Variants in LAMA5 observed in about 807,000 individuals in gnomAD.
The protein encoded by LAMA5 is laminin subunit alpha 5.
A neutral mutation model predicts 433.4 loss-of-function variants in LAMA5; 260 were observed. That is an observed-to-expected ratio of 0.60 (90% CI 0.54 to 0.66). The LOEUF (loss-of-function observed/expected upper bound fraction) is 0.66, where lower values mean the gene tolerates loss of function less well. LAMA5 is among the 30% of genes least tolerant of loss of function. The pLI is 0.00. For missense variants in LAMA5, 5,378 were observed against 5,258.5 expected (o/e 1.02, Z -0.70); for synonymous variants, 2,620 against 2,226.6 (o/e 1.18, Z -4.97).
rs1304782634 is a variant in LAMA5 at position 62,313,212 on chromosome 20, G to C, written c.8831C>G (p.Ser2944Cys). ...STGDPWLTDG[S>C]YLDGTGFARI... ...GGCGAAGCCGGTGCCGTCCAGGTAG[G>C]AGCCGTCCGTGAGCCACGGGTCCCC... Residue 2944 changes from serine (S) to cysteine (C), a missense_variant, in exon 65 of 80, where the codon TCC (serine) becomes TGC (cysteine). Ser to Cys is a moderately radical substitution (Grantham distance 112). Coordinates refer to ENST00000252999, the MANE Select transcript of LAMA5 (RefSeq NM_005560.6). 6.4e-7 allele frequency: 1 copy of C among 1,553,764 alleles called. No homozygotes were observed.
chr20:62,327,618 G>A lies in LAMA5; in HGVS notation c.4849C>T (p.Leu1617=), dbSNP rs1323801157. The change falls in exon 37 of 80, where the codon CTG becomes TTG. Residue 1617 remains leucine (L), a synonymous_variant. Transcript: ENST00000252999. The stretch of plus-strand genomic sequence containing the variant: ...CAACCTTTGGGGTTGGCAGCATCCA[G>A]TGAGAAGGTCCCAAGGCTGCACTGG... ...CDQCSLGTFS[L]DAANPKGCTR... 3 of 1,613,174 alleles carry A rather than the reference G, an allele frequency of 1.9e-6. No homozygotes were observed. The highest frequency in any genetic ancestry group is 8.5e-7 in the Non-Finnish European group (1 of 1,180,016).
intron 25 of LAMA5, 63 bp downstream of exon 25, chr20:62,333,312 A>C (rs1980851991): frequency 6.3e-7 from 1 of 1,599,048 alleles, no homozygotes; most frequent in East Asian, 2.2e-5. Flanking sequence ...GAGTGGGGGA[A>C]GCCAGGCACA....
chr20:62,327,427 C>A, intron 37 of LAMA5, 21 bp from the exon 38 acceptor site: 1 of 1,589,830 alleles, frequency 6.3e-7, no homozygotes, highest in Non-Finnish European at 8.6e-7. Context: ...ACACGTGTGG[C>A]TGCACACGGG....
Position 62,309,188 on chromosome 20 carries a change from G to T in LAMA5, c.*148C>A. On this transcript the variant is annotated 3_prime_UTR_variant, in exon 80 of 80. Transcript: ENST00000252999. ...ACATTTTGCAGTATTTTATTCTTTC[G>T]TTTAAGAAGCTATAACTTAAACCAT... is the stretch of plus-strand genomic sequence containing the variant. 1 of 800,456 alleles carries T rather than the reference G, an allele frequency of 1.2e-6. No individual in the cohort carries two copies. The highest frequency in any genetic ancestry group is 1.9e-6 in the Non-Finnish European group (1 of 539,724). The allele number at this position is 800,456 out of a possible 1,614,324, so 49.6% of individuals were successfully genotyped here. A position where few individuals can be genotyped will look rare whatever the true frequency, so the allele number is the denominator to read the frequency against.
intron 50 of LAMA5, among the ~76,000 whole-genome samples, 178 bp from the exon 51 acceptor site, chr20:62,319,973 T>C (rs1304332323): frequency 6.6e-6 from 1 of 152,184 alleles, no homozygotes; most frequent in Non-Finnish European, 1.5e-5. Context: ...AAATTATTGG[T>C]TATAACTTGC....
At position 62,316,875 on chromosome 20, in the gene LAMA5, G is replaced by A. The variant is rs1287131876; in HGVS notation, c.7653+7C>T. On this transcript the variant is annotated splice_region_variant and intron_variant, in intron 56 of 79. Transcript: ENST00000252999. ...TGCTGGGGCTGAGGGGAAGTGAGGG[G>A]CCTCACCGCCCACGTGTGGTCCGCC... 4 of 1,529,638 alleles carry A rather than the reference G, an allele frequency of 2.6e-6. No individual in the cohort carries two copies. The highest frequency in any genetic ancestry group is 3.5e-6 in the Non-Finnish European group (4 of 1,137,650). 94.8% of individuals were successfully genotyped at this position (1,529,638 alleles called of 1,614,324 possible).
At chr20:62,325,204 G>A (rs1979063518) in intron 41 of LAMA5, 112 bp downstream of exon 41, 9 of 698,708 alleles carry the variant, frequency 1.3e-5, no homozygotes, top group Admixed American at 9.5e-5. Context: ...GAAGAGAGGT[G>A]AGTAGGGTGA....
intron 2 of LAMA5, 129 bp from the exon 3 acceptor site, chr20:62,353,380 C>A (rs1391246092): frequency 1.5e-6 from 1 of 665,986 alleles, no homozygotes; most frequent in Non-Finnish European, 2.5e-6. Context: ...GCACAGGGGG[C>A]ACCTCTGGGT....
chr20:62,333,614 G>T lies in LAMA5; in HGVS notation c.2971C>A (p.Leu991Met). The T allele has an allele frequency of 6.3e-7, 1 of 1,577,692 alleles. No individual in the cohort carries two copies. The highest frequency in any genetic ancestry group is 2.3e-5 in the East Asian group (1 of 43,438). Reference protein sequence around the residue: ...PQRGFGEPFVLNPGTWALRVE... With the variant: ...PQRGFGEPFVMNPGTWALRVE... ...CGCAGGGCCCAGGTGCCAGGGTTCA[G>T]CACAAAGGGCTCTCCGAAGCCCCTC... The change falls in exon 24 of 80, where the codon CTG (leucine) becomes ATG (methionine). Residue 991 changes from leucine (L) to methionine (M), a missense_variant. Coordinates refer to ENST00000252999, the MANE Select transcript of LAMA5 (RefSeq NM_005560.6).
At chr20:62,331,199 T>TGGCGGGGTGCAGGTGGTACGATG (rs1980341617) in intron 28 of LAMA5, 70 bp from the exon 29 acceptor site, 1 of 215,196 alleles carries the variant, frequency 4.6e-6, no homozygotes, top group South Asian at 6.1e-5. Context: ...GGCGGTACGA[T>TGGCGGGGTGCAGGTGGTACGATG]GGGGGGGTGC....
Position 62,316,756 on chromosome 20 carries a change from G to T in LAMA5, c.7671C>A (p.Gly2557=). ...GGAGCTGCTGGGCTCGGTCCACCAG[G>T]CCCTGCCGCACCACCGTCTGTGGAT... The part of the protein sequence containing the change: ...DHTWATVVRQ[G]LVDRAQQLLA... Residue 2557 remains glycine (G), a synonymous_variant, in exon 57 of 80, where the codon GGC becomes GGA. Coordinates refer to ENST00000252999, the MANE Select transcript of LAMA5 (RefSeq NM_005560.6). 6.2e-7 allele frequency: 1 copy of T among 1,606,864 alleles called. No individual in the cohort carries two copies. The highest frequency in any genetic ancestry group is 1.1e-5 in the South Asian group (1 of 90,636).
Position 62,367,197 on chromosome 20 carries a change from G to C in LAMA5, c.49C>G (p.Arg17Gly), listed in dbSNP as rs1248019011. 1.6e-6 allele frequency: 2 copies of C among 1,219,836 alleles called. No homozygotes were observed. The highest frequency in any genetic ancestry group is 1.6e-5 in the African/African-American group (1 of 62,662). 75.6% of individuals were successfully genotyped at this position (1,219,836 alleles called of 1,614,324 possible). A position where few individuals can be genotyped will look rare whatever the true frequency, so the allele number is the denominator to read the frequency against. The change falls in exon 1 of 80, where the codon CGG becomes GGG. Residue 17 changes from arginine (R) to glycine (G), a missense_variant. Coordinates refer to ENST00000252999, the MANE Select transcript of LAMA5 (RefSeq NM_005560.6). ...ACCAGCAGCAGCGGCGCGGGGCCCC[G>C]GGGGCCGCGAACACACAGTGCGCTC... ...AGSALCVRGP[R>G]GPAPLLLVGL...
rs202183794 is a variant in LAMA5, at chr20:62,330,863, G to A, written c.3732C>T (p.Pro1244=). ...LRDCQVIPLP[P]GLPLTHAQDL... ...CCTGCGCGTGGGTCAGCGGGAGGCC[G>A]GGCGGCAGCGGGATCACCTGGCAGT... The change falls in exon 30 of 80, where the codon CCC becomes CCT. Residue 1244 remains proline (P), a synonymous_variant. Coordinates refer to ENST00000252999, the MANE Select transcript of LAMA5 (RefSeq NM_005560.6). 492 of 1,540,410 alleles carry A rather than the reference G, an allele frequency of 3.2e-4. 3 individuals are homozygous for A. In the East Asian group the frequency reaches 0.011, roughly 34 times the overall value.
rs1349750925 is a variant in LAMA5 at position 62,327,677 on chromosome 20, T to C, written c.4798-8A>G. On this transcript the variant is annotated splice_region_variant and splice_polypyrimidine_tract_variant and intron_variant, in intron 36 of 79. Transcript: ENST00000252999. ...GGGGCCCTGCACGTTCTCCTAGGGA[T>C]GAGAGGACAGTGAGAGTGGTCGGCA... The C allele has an allele frequency of 3.7e-6, 6 of 1,612,036 alleles. No individual in the cohort carries two copies. Among genetic ancestry groups the C allele is most frequent in the Non-Finnish European group, 5.1e-6 (6 of 1,179,376 alleles).
chr20:62,328,182 G>A lies in LAMA5; in HGVS notation c.4652+59C>T, dbSNP rs576892248. 4.6e-6 allele frequency: 7 copies of A among 1,528,198 alleles called. No homozygotes were observed. The African/African-American group carries it at 6.8e-5, about 15-fold the overall frequency. 94.7% of individuals were successfully genotyped at this position (1,528,198 alleles called of 1,614,324 possible). ...GGTGGGTGCCAGGACCCTCTGGCTA[G>A]AGGAAATGCTGTCCTTAAGGCCACC... On this transcript the variant is annotated intron_variant, in intron 35 of 79. Coordinates refer to ENST00000252999, the MANE Select transcript of LAMA5 (RefSeq NM_005560.6).
chr20:62,348,809 C>A (rs1015503839), intron 6 of LAMA5, among the ~76,000 whole-genome samples: 4 of 151,794 alleles, frequency 2.6e-5, no homozygotes, highest in Non-Finnish European at 5.9e-5. Context: ...GGAAGAGGAG[C>A]AAAGGAAGCT....
In LAMA5 at chr20:62,326,908, T is replaced by A. The variant is rs1219427979; in HGVS notation, c.5171A>T (p.Asp1724Val). ...YELHSETQRG[D>V]VFVPMESRPD... is the part of the protein sequence containing the mutation. ...CCTGCTCTCCATGGGGACAAAGACA[T>A]CTCCCCGCTGGGTCTCTGAGTGCAG... The change falls in exon 39 of 80, where the codon GAT becomes GTT. Residue 1724 changes from aspartate (D) to valine (V), a missense_variant. Physicochemically the swap from Asp to Val is radical, Grantham distance 152. Transcript: ENST00000252999. 1 of 1,612,190 alleles carries A rather than the reference T, an allele frequency of 6.2e-7. No individual in the cohort carries two copies. Among genetic ancestry groups the A allele is most frequent in the Admixed American group, 1.7e-5 (1 of 59,960 alleles).
In LAMA5 at chr20:62,335,126, C is replaced by T; in HGVS notation, c.2377G>A (p.Gly793Ser). 1 of 1,612,844 alleles carries T rather than the reference C, an allele frequency of 6.2e-7. No homozygotes were observed. The highest frequency in any genetic ancestry group is 8.5e-7 in the Non-Finnish European group (1 of 1,179,636). ...TLGGVAECQP[G>S]TGQCFCKPHV... ...GGCTTGCAGAAGCACTGGCCGGTGC[C>T]CTGGGGGCCAAGGGAGGAGGTGAAG... Residue 793 changes from glycine (G) to serine (S), a missense_variant and splice_region_variant, in exon 20 of 80, where the codon GGC becomes AGC. Coordinates refer to ENST00000252999, the MANE Select transcript of LAMA5 (RefSeq NM_005560.6).
rs776917645 is a variant in LAMA5 at position 62,312,763 on chromosome 20, C to G, written c.9096G>C (p.Leu3032=). 7 of 1,589,762 alleles carry G rather than the reference C, an allele frequency of 4.4e-6. No homozygotes were observed. The highest frequency in any genetic ancestry group is 1.4e-5 in the African/African-American group (1 of 74,004). The change falls in exon 67 of 80, where the codon CTG becomes CTC. Residue 3032 remains leucine, a synonymous_variant. Coordinates refer to ENST00000252999, the MANE Select transcript of LAMA5 (RefSeq NM_005560.6). ...CCAGCACACGCTTGCGGCTGCCCCCCAGCAGGAACACCTGGATCTACAGGA... is the reference window on the plus strand; with the variant it reads ...CCAGCACACGCTTGCGGCTGCCCCCGAGCAGGAACACCTGGATCTACAGGA... ...SASKAIQVFL[L]GGSRKRVLVR...
Sources: allele counts gnomAD v4.1 joint callset (sites outside exome capture counted in the v4.1 genomes callset), GRCh38; gene constraint gnomAD v4.1.1; transcripts MANE v1.5; gene names NCBI Gene and HGNC (gene_info 2026-07-23, HGNC 2026-07-21).